Variants in THADA observed in about 807,000 individuals in gnomAD.
The protein encoded by THADA is THADA armadillo repeat containing, also known as tRNA (32-2'-O)-methyltransferase regulator THADA.
A neutral mutation model predicts 219.8 loss-of-function variants in THADA; 213 were observed. That is an observed-to-expected ratio of 0.97 (90% confidence interval 0.87 to 1.09). The LOEUF is 1.09. Among genes scored for constraint, THADA ranks in the 50% least tolerant of loss-of-function variants. The pLI is 0.00. For synonymous variants in THADA, 1,018 were observed against 828.9 expected, an observed-to-expected ratio of 1.23 and a Z score of -3.92; for missense variants, 2,956 against 2,311.3, an observed-to-expected ratio of 1.28 and a Z score of -5.72.
intron 29 of THADA, among the ~76,000 whole-genome samples, chr2:43,356,988 A>G (rs552068721): frequency 6.6e-6 from 1 of 152,342 alleles, no homozygotes; most frequent in Non-Finnish European, 1.5e-5. Flanking sequence ...GGAATGTAGT[A>G]TGAGCTAATG....
chr2:43,319,184 A>G lies in THADA; in HGVS notation c.4438+1262T>C, dbSNP rs1482460260. On this transcript the variant is annotated intron_variant, in intron 31 of 37. Coordinates refer to ENST00000405975, the MANE Select transcript of THADA (RefSeq NM_022065.5). Reference sequence around the variant, plus strand: ...AGTCTCTTTTTAAACTTTAGACTCCAGTTGACTTAAGGGTAAGCTGGAGTA... The same window carrying G: ...AGTCTCTTTTTAAACTTTAGACTCCGGTTGACTTAAGGGTAAGCTGGAGTA... 2.6e-5 allele frequency among the ~76,000 whole-genome samples: 4 copies of G among 152,354 alleles called. No individual in the cohort carries two copies. In the East Asian group the frequency reaches 7.7e-4, roughly 29 times the overall value.
chr2:43,506,824 C>T (rs111440900), intron 23 of THADA, among the ~76,000 whole-genome samples: 59 of 152,212 alleles, frequency 3.9e-4, no homozygotes, highest in African/African-American at 1.4e-3. Context: ...TACTGGCTCT[C>T]AAGAGTGAAA....
In THADA at chr2:43,239,625, G is replaced by T. The variant is rs373873378; in HGVS notation, c.5297-6743C>A. Among the ~76,000 whole-genome samples, 9 of 152,370 alleles carry T rather than the reference G, an allele frequency of 5.9e-5. No homozygotes were observed. In the East Asian group the frequency reaches 7.7e-4, roughly 13 times the overall value. ...AAAAAGCCCATGGTCTGATTTTAAA[G>T]TATTATGGGGGAGATGACTTCTAGA... On this transcript the variant is annotated intron_variant, in intron 36 of 37. Coordinates refer to ENST00000405975, the MANE Select transcript of THADA (RefSeq NM_022065.5).
chr2:43,410,159 A>G (rs189799803), intron 28 of THADA, among the ~76,000 whole-genome samples: 1 of 152,340 alleles, frequency 6.6e-6, no homozygotes, highest in African/African-American at 2.4e-5. Flanking sequence ...ACATCCTTAG[A>G]CGTTAGTAAA....
At chr2:43,430,175 C>A in intron 27 of THADA, 38 bp downstream of exon 27, 1 of 1,069,862 alleles carries the variant, frequency 9.3e-7, no homozygotes, top group African/African-American at 1.6e-5. Context: ...TAATTCACAT[C>A]CTTGAGGTCA....
At chr2:43,542,070 G>A (rs1026793132) in intron 20 of THADA, among the ~76,000 whole-genome samples, 1 of 152,050 alleles carries the variant, frequency 6.6e-6, no homozygotes, top group Non-Finnish European at 1.5e-5. Context: ...GCTATAATTA[G>A]CCTTACTTAC....
intron 22 of THADA, among the ~76,000 whole-genome samples, chr2:43,522,594 C>T (rs759752841): frequency 2.6e-5 from 4 of 152,182 alleles, no homozygotes; most frequent in Non-Finnish European, 4.4e-5. Flanking sequence ...ATAGAGGTTA[C>T]TCACTGAGAA....
intron 26 of THADA, among the ~76,000 whole-genome samples, chr2:43,438,098 G>A (rs990820344): frequency 2.0e-5 from 3 of 151,910 alleles, no homozygotes; most frequent in Non-Finnish European, 2.9e-5. Context: ...TCAGGAGATC[G>A]AGACCATGCT....
At chr2:43,560,875 G>A (rs1334372863) in intron 15 of THADA, among the ~76,000 whole-genome samples, 2 of 152,004 alleles carry the variant, frequency 1.3e-5, no homozygotes, top group East Asian at 1.9e-4. Context: ...AAATTAGCCA[G>A]GCATAGTGGC....
intron 29 of THADA, among the ~76,000 whole-genome samples, chr2:43,371,507 A>G (rs931421910): frequency 6.6e-6 from 1 of 152,248 alleles, no homozygotes; most frequent in South Asian, 2.1e-4. Context: ...ATGAACTTTC[A>G]CAAGTAAATT....
At chr2:43,427,457 G>A (rs1359676961) in intron 28 of THADA, among the ~76,000 whole-genome samples, 4 of 151,128 alleles carry the variant, frequency 2.6e-5, no homozygotes, top group African/African-American at 9.8e-5. Flanking sequence ...TGGGGGCAAT[G>A]GCAGGAAAAC....
intron 36 of THADA, among the ~76,000 whole-genome samples, chr2:43,275,516 T>C (rs1322805782): frequency 1.3e-5 from 2 of 152,180 alleles, no homozygotes; most frequent in Admixed American, 1.3e-4. Context: ...CTGCCTCTGC[T>C]AAGTGGAACG....
intron 28 of THADA, among the ~76,000 whole-genome samples, chr2:43,401,576 C>T (rs1320048086): frequency 6.6e-6 from 1 of 152,210 alleles, no homozygotes; most frequent in South Asian, 2.1e-4. Flanking sequence ...CCATGCCCAG[C>T]TGAGACATGA....
intron 23 of THADA, 147 bp from the exon 24 acceptor site, chr2:43,505,882 G>T: frequency 3.2e-6 from 2 of 627,684 alleles, no homozygotes; most frequent in Non-Finnish European, 5.6e-6. Flanking sequence ...GTGGCCGTGG[G>T]CAAGTGGTTT....
At position 43,506,858 on chromosome 2, in the gene THADA, T is replaced by C. The variant is rs1689737859; in HGVS notation, c.3508-1123A>G. On this transcript the variant is annotated intron_variant, in intron 23 of 37. Coordinates refer to ENST00000405975, the MANE Select transcript of THADA (RefSeq NM_022065.5). Reference sequence around the variant, plus strand: ...AAGTTACAAGTTAGTTAGCTTCTTCTGAAGCATTTGAAAACTACAGAAGAG... The same window carrying C: ...AAGTTACAAGTTAGTTAGCTTCTTCCGAAGCATTTGAAAACTACAGAAGAG... Among the ~76,000 whole-genome samples, 3 of 152,312 alleles carry C rather than the reference T, an allele frequency of 2.0e-5. No individual in the cohort carries two copies. In the South Asian group the frequency reaches 6.2e-4, roughly 32 times the overall value.
At chr2:43,552,071 G>T (rs1696816344) in intron 18 of THADA, 133 bp downstream of exon 18, 2 of 1,521,244 alleles carry the variant, frequency 1.3e-6, no homozygotes, top group South Asian at 2.6e-5. Context: ...AGATACGTAT[G>T]TTTTTAAATC....
At chr2:43,330,164 C>G (rs1459112526) in intron 30 of THADA, among the ~76,000 whole-genome samples, 2 of 152,210 alleles carry the variant, frequency 1.3e-5, no homozygotes, top group Non-Finnish European at 2.9e-5. Context: ...AGAGGCTTTC[C>G]ATTCACCAAG....
intron 4 of THADA, among the ~76,000 whole-genome samples, chr2:43,587,624 T>C (rs1014331924): frequency 1.3e-5 from 2 of 152,216 alleles, no homozygotes; most frequent in African/African-American, 2.4e-5. Context: ...CAAAGCTATA[T>C]GAAGTGACCA....
intron 26 of THADA, among the ~76,000 whole-genome samples, chr2:43,460,939 C>T (rs1683568755): frequency 6.6e-6 from 1 of 152,068 alleles, no homozygotes; most frequent in Admixed American, 6.6e-5. Context: ...TTCACCTGTC[C>T]CAGGAGTGTG....
Sources: allele counts gnomAD v4.1 joint callset (sites outside exome capture counted in the v4.1 genomes callset), GRCh38; gene constraint gnomAD v4.1.1; transcripts MANE v1.5; gene names NCBI Gene and HGNC (gene_info 2026-07-23, HGNC 2026-07-21).